SLK: variants seen among roughly 807,000 people sequenced by gnomAD.
SLK encodes STE20-like serine/threonine-protein kinase.
SLK carries 67 observed loss-of-function variants against 147.7 expected under a neutral mutation model. The ratio of observed to expected loss-of-function variants is 0.45; its 90% CI spans 0.37 to 0.56. The LOEUF (loss-of-function observed/expected upper bound fraction) is 0.56. Among genes scored for constraint, SLK ranks in the 20% least tolerant of loss-of-function variants. The pLI is 0.00. For synonymous variants in SLK, 441 were observed against 475.0 expected (o/e 0.93, Z 0.93); for missense variants, 1,136 against 1,438.8 (o/e 0.79, Z 3.41).
chr10:103,980,646 A>G (rs1160510329), intron 1 of SLK, among the ~76,000 whole-genome samples: 3 of 152,176 alleles, frequency 2.0e-5, no homozygotes, highest in Non-Finnish European at 4.4e-5. Context: ...CATCCATGTC[A>G]TAGCATATGT....
At chr10:104,015,554 G>T (rs1413498836) in intron 13 of SLK, among the ~76,000 whole-genome samples, 2 of 152,206 alleles carry the variant, frequency 1.3e-5, no homozygotes, top group African/African-American at 4.8e-5. Context: ...GACCAAGACT[G>T]TTGATACTTG....
intron 1 of SLK, among the ~76,000 whole-genome samples, chr10:103,974,028 T>G (rs954353623): frequency 6.6e-6 from 1 of 152,230 alleles, no homozygotes; most frequent in African/African-American, 2.4e-5. Flanking sequence ...TAATAGCCTT[T>G]AGGATTTTCT....
intron 13 of SLK, among the ~76,000 whole-genome samples, chr10:104,016,453 T>C (rs1318401463): frequency 6.6e-6 from 1 of 152,232 alleles, no homozygotes; most frequent in Admixed American, 6.5e-5. Context: ...TTTGCATCTC[T>C]TAATTAAAAC....
rs757391425 is a variant in SLK at position 104,010,874 on chromosome 10, G to A, written c.2843G>A (p.Arg948Lys). The change falls in exon 13 of 19, where the codon AGG becomes AAG. Residue 948 changes from arginine (R) to lysine (K), a missense_variant. Arg to Lys is a conservative substitution (Grantham distance 26). Transcript: ENST00000369755. ...KELRKELMKR[R>K]KEELAQSQHA... ...CTGAGAAAAGAGCTCATGAAACGCAGGAAAGAGGAGCTTGCACAAAGCCAG... is the reference window on the plus strand; with the variant it reads ...CTGAGAAAAGAGCTCATGAAACGCAAGAAAGAGGAGCTTGCACAAAGCCAG... 29 of 1,596,480 alleles carry A rather than the reference G, an allele frequency of 1.8e-5. No homozygotes were observed. The highest frequency in any genetic ancestry group is 2.5e-5 in the Non-Finnish European group (29 of 1,175,274).
chr10:103,972,801 C>T (rs1448701940), intron 1 of SLK, among the ~76,000 whole-genome samples: 1 of 152,158 alleles, frequency 6.6e-6, no homozygotes, highest in East Asian at 1.9e-4. Context: ...TCACAGATTA[C>T]TAAAAGTAAT....
chr10:104,018,471 G>A (rs935118353), intron 14 of SLK, among the ~76,000 whole-genome samples, 182 bp downstream of exon 14: 1 of 152,178 alleles, frequency 6.6e-6, no homozygotes, highest in Non-Finnish European at 1.5e-5. Flanking sequence ...TCGTGTGTTA[G>A]AATGGGATTT....
chr10:104,020,718 C>T, intron 17 of SLK, 105 bp downstream of exon 17: 5 of 1,254,536 alleles, frequency 4.0e-6, no homozygotes, highest in African/African-American at 1.5e-5. Context: ...CATACACGAA[C>T]ATGCTGGGTT....
intron 4 of SLK, among the ~76,000 whole-genome samples, chr10:103,995,414 C>CTTTCT (rs1185884805): frequency 1.2e-4 from 15 of 125,378 alleles, no homozygotes; most frequent in Non-Finnish European, 2.3e-4. Flanking sequence ...TTTTTCTTTT[C>CTTTCT]TTTCTTTTCT....
intron 9 of SLK, among the ~76,000 whole-genome samples, chr10:104,004,745 C>T (rs1441205239): frequency 6.6e-6 from 1 of 152,174 alleles, no homozygotes; most frequent in East Asian, 1.9e-4. Context: ...CATATCAACA[C>T]CCAGTAAGTA....
In SLK at chr10:103,992,141, GTTT is replaced by G. The variant is rs56381345; in HGVS notation, c.316-441_316-439del. 7.4e-4 allele frequency among the ~76,000 whole-genome samples: 68 copies of G among 91,798 alleles called. 2 individuals are homozygous for G. Among genetic ancestry groups the G allele is most frequent in the Admixed American group, 2.1e-3 (15 of 6,994 alleles). The allele number at this position is 91,798 out of a possible 152,430, so 60.2% of individuals were successfully genotyped here. On this transcript the variant is annotated intron_variant, in intron 2 of 18. Transcript: ENST00000369755. ...TGAAGCTTTTGTGGGTATTTCTTCT[GTTT>G]TTTTTTTTTTTTTTTCTAAAAGAAG... is the stretch of plus-strand genomic sequence containing the variant.
At chr10:103,995,866 C>G (rs971912763) in intron 4 of SLK, among the ~76,000 whole-genome samples, 3 of 152,150 alleles carry the variant, frequency 2.0e-5, no homozygotes, top group Admixed American at 6.5e-5. Context: ...AGCTAGAACC[C>G]TCATGAGTTC....
intron 1 of SLK, among the ~76,000 whole-genome samples, chr10:103,970,662 C>A (rs1454557252): frequency 2.0e-5 from 3 of 152,056 alleles, no homozygotes; most frequent in Non-Finnish European, 4.4e-5. Flanking sequence ...GATTTATAAA[C>A]TTCCTTATAT....
chr10:104,010,851 G>A lies in SLK; in HGVS notation c.2820G>A (p.Leu940=). 1 of 1,596,110 alleles carries A rather than the reference G, an allele frequency of 6.3e-7. No individual in the cohort carries two copies. Among genetic ancestry groups the A allele is most frequent in the Non-Finnish European group, 8.5e-7 (1 of 1,174,952 alleles). ...INEVEKAPKE[L]RKELMKRRKE... is the part of the protein sequence containing the mutation. Reference sequence around the variant, plus strand: ...AAGTGGAGAAAGCACCCAAAGAGCTGAGAAAAGAGCTCATGAAACGCAGGA... The same window carrying A: ...AAGTGGAGAAAGCACCCAAAGAGCTAAGAAAAGAGCTCATGAAACGCAGGA... The change falls in exon 13 of 19, where the codon CTG becomes CTA. Residue 940 remains leucine, a synonymous_variant. Coordinates refer to ENST00000369755, the MANE Select transcript of SLK (RefSeq NM_014720.4).
At chr10:104,005,743 T>A in intron 10 of SLK, 52 bp downstream of exon 10, 2 of 1,553,752 alleles carry the variant, frequency 1.3e-6, no homozygotes, top group Non-Finnish European at 1.8e-6. Context: ...CTTTTCAGTC[T>A]CTGAAAAGTC....
intron 16 of SLK, among the ~76,000 whole-genome samples, 194 bp from the exon 17 acceptor site, chr10:104,020,294 A>C (rs1405765700): frequency 6.6e-6 from 1 of 152,202 alleles, no homozygotes; most frequent in Non-Finnish European, 1.5e-5. Flanking sequence ...AGCAGATAGG[A>C]GGATCAAGGT....
At chr10:103,988,421 G>A (rs994122191) in intron 1 of SLK, among the ~76,000 whole-genome samples, 1 of 152,016 alleles carries the variant, frequency 6.6e-6, no homozygotes, top group Non-Finnish European at 1.5e-5. Flanking sequence ...AGCTTGTGGG[G>A]GTTATTTATA....
Position 103,967,827 on chromosome 10 carries a change from C to T in SLK, c.82C>T (p.Leu28=). 1.9e-6 allele frequency: 3 copies of T among 1,614,106 alleles called. No individual in the cohort carries two copies. The South Asian group carries it at 3.3e-5, about 18-fold the overall frequency. The part of the protein sequence containing the change: ...KKQYEHVKRD[L]NPEDFWEIIG... Reference sequence around the variant, plus strand: ...GCAGTACGAACACGTGAAGAGGGACCTGAACCCCGAAGACTTTTGGGAGAT... The same window carrying T: ...GCAGTACGAACACGTGAAGAGGGACTTGAACCCCGAAGACTTTTGGGAGAT... The change falls in exon 1 of 19, where the codon CTG becomes TTG. Residue 28 remains leucine (L), a synonymous_variant. Coordinates refer to ENST00000369755, the MANE Select transcript of SLK (RefSeq NM_014720.4).
In SLK at chr10:104,002,236, T is replaced by G; in HGVS notation, c.1058T>G (p.Leu353Arg). The G allele has an allele frequency of 6.2e-7, 1 of 1,610,608 alleles. No individual in the cohort carries two copies. The highest frequency in any genetic ancestry group is 1.1e-5 in the South Asian group (1 of 90,986). ...ATCGCCAGCTCTGAAGAAGATAAAC[T>G]TTCACAAAATGCTTGTATTTTGGAG... ...LSIASSEEDK[L>R]SQNACILESV... Residue 353 changes from leucine to arginine, a missense_variant, in exon 9 of 19, where the codon CTT (leucine) becomes CGT (arginine). Around this residue, in one of 6 missense-constraint regions of SLK, gnomAD observed 516 missense variants for 531.3 expected, o/e 0.97. Transcript: ENST00000369755.
In SLK at chr10:103,992,969, A is replaced by C. The variant is rs1443051787; in HGVS notation, c.365-15A>C. On this transcript the variant is annotated splice_polypyrimidine_tract_variant and intron_variant, in intron 3 of 18. Coordinates refer to ENST00000369755, the MANE Select transcript of SLK (RefSeq NM_014720.4). ...GTATAAAAAGCAGATTTTTTTTTTT[A>C]CTTTCTCCTTATAGAACTTGAGAGA... The C allele has an allele frequency of 1.3e-6, 2 of 1,581,612 alleles. No homozygotes were observed. The highest frequency in any genetic ancestry group is 1.7e-6 in the Non-Finnish European group (2 of 1,164,824).
Sources: allele counts gnomAD v4.1 joint callset (sites outside exome capture counted in the v4.1 genomes callset), GRCh38; gene constraint gnomAD v4.1.1; regional missense constraint gnomAD v4.1.1; transcripts MANE v1.5; gene names NCBI Gene and HGNC (gene_info 2026-07-23, HGNC 2026-07-21).